PKN2: variants seen among roughly 807,000 people sequenced by gnomAD.
The protein encoded by PKN2 is protein kinase N2, also known as serine/threonine-protein kinase N2.
PKN2 carries 38 observed loss-of-function variants against 119.1 expected under a neutral mutation model. That is an observed-to-expected ratio of 0.32 (90% CI 0.25 to 0.42). The LOEUF (loss-of-function observed/expected upper bound fraction) is 0.42. PKN2 is among the 10% of genes least tolerant of loss of function. The pLI, the probability that PKN2 is intolerant of heterozygous loss-of-function variation, is 1.00. For synonymous variants in PKN2, 390 were observed against 384.9 expected (o/e 1.01, Z -0.15); for missense variants, 850 against 1,165.1 (o/e 0.73, Z 3.94).
rs919246325 is a variant in PKN2, at chr1:88,723,934, G to A, written c.49-17054G>A. Among the ~76,000 whole-genome samples the A allele has an allele frequency of 2.6e-5, 4 of 152,142 alleles. No individual in the cohort carries two copies. The South Asian group carries it at 6.2e-4, about 24-fold the overall frequency. On this transcript the variant is annotated intron_variant, in intron 1 of 21. Transcript: ENST00000370521. ...TTGGTTCTCATAATAATATTGAGAC[G>A]TAGGCATTTTTTCAATTTTAGAGAT...
chr1:88,811,861 C>CT (rs1671794135), intron 15 of PKN2, among the ~76,000 whole-genome samples: 1 of 152,110 alleles, frequency 6.6e-6, no homozygotes, highest in African/African-American at 2.4e-5. Context: ...TGCACTTTCA[C>CT]TTTGACCCCT....
At chr1:88,727,839 C>A (rs944636645) in intron 1 of PKN2, among the ~76,000 whole-genome samples, 1 of 152,160 alleles carries the variant, frequency 6.6e-6, no homozygotes, top group Non-Finnish European at 1.5e-5. Context: ...ACTAACCGGA[C>A]CACCTACTCT....
chr1:88,778,615 A>G lies in PKN2; in HGVS notation c.986-6024A>G, dbSNP rs181046790. 1.4e-3 allele frequency among the ~76,000 whole-genome samples: 220 copies of G among 151,942 alleles called. No individual in the cohort carries two copies. The East Asian group carries it at 0.019, about 13-fold the overall frequency. On this transcript the variant is annotated intron_variant, in intron 6 of 21. Transcript: ENST00000370521. ...TTTGGCTTTTCTATTGTTTACCCCA[A>G]CTGATCCTCTTTTTCCTTAGTTTGC...
At chr1:88,740,932 T>G (rs1014007124) in intron 1 of PKN2, 56 bp from the exon 2 acceptor site, 12 of 1,157,680 alleles carry the variant, frequency 1.0e-5, no homozygotes, top group Middle Eastern at 2.0e-4. Flanking sequence ...ACTGCATATT[T>G]ACTGAGCAGC....
intron 16 of PKN2, among the ~76,000 whole-genome samples, chr1:88,821,064 A>G (rs1431918585): frequency 1.3e-5 from 2 of 152,342 alleles, no homozygotes; most frequent in South Asian, 2.1e-4. Context: ...GACAAAGTCA[A>G]CCTGTCAAAT....
intron 2 of PKN2, among the ~76,000 whole-genome samples, chr1:88,759,667 CTTTAA>C (rs1174802209): frequency 1.3e-5 from 2 of 152,092 alleles, no homozygotes; most frequent in Non-Finnish European, 2.9e-5. Context: ...TGTAGAACCT[CTTTAA>C]TTTAATTAGA....
At chr1:88,817,263 G>A (rs905090737) in intron 16 of PKN2, among the ~76,000 whole-genome samples, 1 of 152,046 alleles carries the variant, frequency 6.6e-6, no homozygotes, top group Non-Finnish European at 1.5e-5. Flanking sequence ...ATCAATAAAC[G>A]TAATCCATCA....
intron 16 of PKN2, among the ~76,000 whole-genome samples, chr1:88,816,075 G>C (rs1209909690): frequency 1.3e-5 from 2 of 151,906 alleles, no homozygotes; most frequent in African/African-American, 4.8e-5. Flanking sequence ...CAGAGGCAGA[G>C]GTTGCAGTGA....
At chr1:88,800,249 G>A (rs1002202426) in intron 8 of PKN2, among the ~76,000 whole-genome samples, 1 of 152,162 alleles carries the variant, frequency 6.6e-6, no homozygotes, top group Non-Finnish European at 1.5e-5. Context: ...CATTTATTAA[G>A]AAGTGCTTAC....
chr1:88,751,395 C>G (rs1257676877), intron 2 of PKN2, among the ~76,000 whole-genome samples: 2 of 151,942 alleles, frequency 1.3e-5, no homozygotes, highest in Non-Finnish European at 2.9e-5. Context: ...CACACACACA[C>G]ACACACACCT....
intron 2 of PKN2, among the ~76,000 whole-genome samples, chr1:88,750,987 C>A (rs1668965226): frequency 6.6e-6 from 1 of 152,098 alleles, no homozygotes; most frequent in Non-Finnish European, 1.5e-5. Flanking sequence ...CTGTTAGTTT[C>A]TTGATTTAAA....
chr1:88,764,136 TCTC>T (rs1383838122), intron 3 of PKN2, among the ~76,000 whole-genome samples: 3 of 152,172 alleles, frequency 2.0e-5, no homozygotes, highest in African/African-American at 7.2e-5. Context: ...TAGCTTCTGA[TCTC>T]ATCTTCTAAA....
intron 1 of PKN2, among the ~76,000 whole-genome samples, chr1:88,698,104 A>C (rs1003320763): frequency 6.6e-6 from 1 of 152,228 alleles, no homozygotes; most frequent in African/African-American, 2.4e-5. Flanking sequence ...ACAATACTCT[A>C]CAATGAAGGT....
At chr1:88,800,709 T>C (rs1414288058) in intron 8 of PKN2, among the ~76,000 whole-genome samples, 2 of 152,202 alleles carry the variant, frequency 1.3e-5, no homozygotes, top group African/African-American at 2.4e-5. Flanking sequence ...GATAGATGTG[T>C]ACTGTTCTTT....
chr1:88,771,446 A>G lies in PKN2; in HGVS notation c.648A>G (p.Glu216=). The change falls in exon 5 of 22, where the codon GAA becomes GAG. Residue 216 remains glutamate, a synonymous_variant. Transcript: ENST00000370521. ...CAAAACCTGTGATAAGTCCTCTTGA[A>G]CTTCGGATGGAAGAATTAAGGCATC... is the stretch of plus-strand genomic sequence containing the variant. ...DNAKPVISPL[E]LRMEELRHHF... 6.2e-7 allele frequency: 1 copy of G among 1,604,938 alleles called. No individual in the cohort carries two copies. Among genetic ancestry groups the G allele is most frequent in the Non-Finnish European group, 8.5e-7 (1 of 1,176,984 alleles).
chr1:88,833,047 T>C, intron 20 of PKN2, 30 bp from the exon 21 acceptor site: 1 of 1,554,354 alleles, frequency 6.4e-7, no homozygotes, highest in Non-Finnish European at 8.7e-7. Context: ...ATTGGTTTTA[T>C]TTTAACTTTT....
intron 1 of PKN2, among the ~76,000 whole-genome samples, chr1:88,720,586 T>C (rs1667635789): frequency 5.9e-5 from 9 of 152,194 alleles, no homozygotes; most frequent in Admixed American, 5.9e-4. Context: ...AAGAAAAATA[T>C]AATGTATAAG....
chr1:88,746,840 T>C (rs926013497), intron 2 of PKN2, among the ~76,000 whole-genome samples: 3 of 152,144 alleles, frequency 2.0e-5, no homozygotes, highest in African/African-American at 7.2e-5. Context: ...AGCCAAGATA[T>C]CCAAACAACT....
chr1:88,781,207 T>C, intron 6 of PKN2: 1 of 1,235,618 alleles, frequency 8.1e-7, no homozygotes, highest in Non-Finnish European at 1.1e-6. Flanking sequence ...TGCTATTATT[T>C]GTGGTTCGTC....
Sources: allele counts gnomAD v4.1 joint callset (sites outside exome capture counted in the v4.1 genomes callset), GRCh38; gene constraint gnomAD v4.1.1; transcripts MANE v1.5; gene names NCBI Gene and HGNC (gene_info 2026-07-23, HGNC 2026-07-21).